DACH1: variants seen among roughly 807,000 people sequenced by gnomAD.
DACH1 encodes the protein dachshund homolog 1.
In DACH1, 12 loss-of-function variants were observed where a neutral mutation model predicts 54.2. The ratio of observed to expected loss-of-function variants is 0.22; its 90% CI spans 0.14 to 0.36. The LOEUF (loss-of-function observed/expected upper bound fraction) is 0.36, where lower values mean the gene tolerates loss of function less well. DACH1 is among the 10% of genes least tolerant of loss of function. DACH1 has a pLI of 1.00. For missense variants in DACH1, 805 were observed against 929.8 expected (o/e 0.87, Z 1.75); for synonymous variants, 386 against 366.2 (o/e 1.05, Z -0.62).
At chr13:71,519,890 T>TATATATATATATATATATAC in intron 6 of DACH1, among the ~76,000 whole-genome samples, 1 of 126,780 alleles carries the variant, frequency 7.9e-6, no homozygotes, top group Non-Finnish European at 1.8e-5. Flanking sequence ...GTAGTATATA[T>TATATATATATATATATATAC]ATATATATAT....
At chr13:71,718,644 A>G (rs1883095811) in intron 1 of DACH1, among the ~76,000 whole-genome samples, 2 of 151,656 alleles carry the variant, frequency 1.3e-5, no homozygotes, top group African/African-American at 4.8e-5. Flanking sequence ...AGGTAGAGCT[A>G]GATAACTTAC....
At chr13:71,805,803 A>C (rs147129648) in intron 1 of DACH1, among the ~76,000 whole-genome samples, 12 of 152,114 alleles carry the variant, frequency 7.9e-5, no homozygotes, top group African/African-American at 2.4e-4. Flanking sequence ...AATAATATTC[A>C]TTTGAATTCT....
chr13:71,628,265 C>T (rs904674472), intron 3 of DACH1, among the ~76,000 whole-genome samples: 17 of 151,964 alleles, frequency 1.1e-4, no homozygotes, highest in African/African-American at 2.2e-4. Flanking sequence ...CTTTGTACCT[C>T]CCCCATTACC....
At chr13:71,740,455 C>A (rs115084127) in intron 1 of DACH1, among the ~76,000 whole-genome samples, 1,576 of 152,160 alleles carry the variant, frequency 0.01, 23 homozygotes, top group African/African-American at 0.036. Flanking sequence ...TCTTAGAAAG[C>A]AGATAATGTT....
At chr13:71,448,258 T>C (rs995448923) in intron 10 of DACH1, among the ~76,000 whole-genome samples, 1 of 152,146 alleles carries the variant, frequency 6.6e-6, no homozygotes, top group Non-Finnish European at 1.5e-5. Context: ...TCACATCACA[T>C]GTCCAGAAAG....
chr13:71,833,233 A>G (rs1414919234), intron 1 of DACH1, among the ~76,000 whole-genome samples: 16 of 151,918 alleles, frequency 1.1e-4, no homozygotes, highest in Admixed American at 1.1e-3. Context: ...CCACTGAGGG[A>G]TGGGTTCTAT....
At chr13:71,726,461 C>T (rs182644888) in intron 1 of DACH1, among the ~76,000 whole-genome samples, 18 of 152,138 alleles carry the variant, frequency 1.2e-4, no homozygotes, top group African/African-American at 4.1e-4. Context: ...TGTGCATTTT[C>T]ATCCTAAATT....
intron 2 of DACH1, among the ~76,000 whole-genome samples, chr13:71,646,026 G>A (rs1878238362): frequency 2.0e-5 from 3 of 152,008 alleles, no homozygotes; most frequent in South Asian, 4.1e-4. Flanking sequence ...TGTTTAACAG[G>A]ACCAAAAGAG....
At chr13:71,673,762 T>C (rs1474228288) in intron 2 of DACH1, among the ~76,000 whole-genome samples, 4 of 152,160 alleles carry the variant, frequency 2.6e-5, no homozygotes, top group Admixed American at 2.6e-4. Context: ...AGTATAATAA[T>C]AAAAAAAGAG....
intron 1 of DACH1, 24 bp from the exon 2 acceptor site, chr13:71,681,934 T>TTTACAA (rs1566429456): frequency 6.8e-7 from 1 of 1,480,382 alleles, no homozygotes; most frequent in South Asian, 1.2e-5. Flanking sequence ...ACAAAAAATT[T>TTTACAA]TTACAATTAA....
chr13:71,670,576 T>C (rs922484632), intron 2 of DACH1, among the ~76,000 whole-genome samples: 6 of 152,130 alleles, frequency 3.9e-5, no homozygotes, highest in African/African-American at 1.4e-4. Context: ...ATAATACTAT[T>C]AGCAAAATCT....
intron 6 of DACH1, among the ~76,000 whole-genome samples, chr13:71,531,157 T>G (rs566587356): frequency 1.3e-5 from 2 of 152,266 alleles, no homozygotes; most frequent in Admixed American, 1.3e-4. Flanking sequence ...TACACATATC[T>G]TATTAGGAGG....
intron 2 of DACH1, among the ~76,000 whole-genome samples, chr13:71,660,508 G>A (rs1879417295): frequency 6.6e-6 from 1 of 151,974 alleles, no homozygotes; most frequent in African/African-American, 2.4e-5. Flanking sequence ...GGGGTTATGA[G>A]ACAACCATAG....
chr13:71,625,644 C>G (rs1662057513), intron 3 of DACH1, among the ~76,000 whole-genome samples: 1 of 151,820 alleles, frequency 6.6e-6, no homozygotes, highest in Non-Finnish European at 1.5e-5. Flanking sequence ...CTTAATCTTA[C>G]TTGAAACTTC....
intron 1 of DACH1, among the ~76,000 whole-genome samples, chr13:71,726,224 T>C (rs1883463148): frequency 6.6e-6 from 1 of 152,116 alleles, no homozygotes; most frequent in Admixed American, 6.6e-5. Context: ...CCCTATAAGT[T>C]TGTTTCATTA....
At chr13:71,840,971 A>G (rs1396833505) in intron 1 of DACH1, among the ~76,000 whole-genome samples, 4 of 152,174 alleles carry the variant, frequency 2.6e-5, no homozygotes, top group African/African-American at 9.6e-5. Context: ...TTATGATGAT[A>G]CAGTTGTTTT....
At chr13:71,865,315 C>G (rs1473852580) in intron 1 of DACH1, among the ~76,000 whole-genome samples, 1 of 152,140 alleles carries the variant, frequency 6.6e-6, no homozygotes, top group African/African-American at 2.4e-5. Context: ...CTTCGCGGGT[C>G]ATTTCCCTCC....
chr13:71,856,439 G>A (rs2138278070), intron 1 of DACH1, among the ~76,000 whole-genome samples: 1 of 152,004 alleles, frequency 6.6e-6, no homozygotes, highest in African/African-American at 2.4e-5. Context: ...TTCTTAGAGG[G>A]TAAGAATAAA....
chr13:71,461,994 G>A (rs755867264), intron 10 of DACH1, among the ~76,000 whole-genome samples: 21 of 151,836 alleles, frequency 1.4e-4, no homozygotes, highest in Non-Finnish European at 2.7e-4. Context: ...ACCTGAATAT[G>A]TATGGAAATA....
Sources: allele counts gnomAD v4.1 joint callset (sites outside exome capture counted in the v4.1 genomes callset), GRCh38; gene constraint gnomAD v4.1.1; transcripts MANE v1.5; gene names NCBI Gene and HGNC (gene_info 2026-07-23, HGNC 2026-07-21).